The following SEMA5A variants were observed in gnomAD, a reference collection of about 807,000 sequenced individuals.
SEMA5A encodes the protein semaphorin 5A.
SEMA5A carries 55 observed loss-of-function variants against 135.5 expected under a neutral mutation model. That is an observed-to-expected ratio of 0.41 (90% CI 0.33 to 0.51). The LOEUF (loss-of-function observed/expected upper bound fraction) is 0.51, where lower values mean the gene tolerates loss of function less well. SEMA5A is among the 20% of genes least tolerant of loss of function. The probability of loss-of-function intolerance (pLI) is 0.37; values close to 1 mark genes in which losing one functional copy is unlikely to be tolerated. For synonymous variants in SEMA5A, 580 were observed against 546.5 expected (o/e 1.06, Z -0.85); for missense variants, 1,290 against 1,419.9 (o/e 0.91, Z 1.47).
At chr5:9,138,591 TTTTA>T (rs1447476673) in intron 12 of SEMA5A, among the ~76,000 whole-genome samples, 7 of 152,338 alleles carry the variant, frequency 4.6e-5, no homozygotes, top group Middle Eastern at 3.4e-3. Context: ...TTTCATTTTA[TTTTA>T]TTTATTTTCA....
In SEMA5A at chr5:9,545,688, G is replaced by A. The variant is rs911492607; in HGVS notation, c.-279C>T. 2.6e-5 allele frequency: 4 copies of A among 152,274 alleles called. No homozygotes were observed. Among genetic ancestry groups the A allele is most frequent in the African/African-American group, 9.7e-5 (4 of 41,428 alleles). The allele number at this position is 152,274 out of a possible 1,614,324, so 9.4% of individuals were successfully genotyped here. ...TAGGGAAGTGGAGGCAGCAGCTGCAGCCGCCCCCTGCCACTTCCCCAGAGC... is the reference window on the plus strand; with the variant it reads ...TAGGGAAGTGGAGGCAGCAGCTGCAACCGCCCCCTGCCACTTCCCCAGAGC... On this transcript the variant is annotated 5_prime_UTR_variant, in exon 1 of 23. Transcript: ENST00000382496. This position sits in a 1 kb window ranked among gnomAD's most constrained non-coding sequence, Gnocchi z 4.5.
At chr5:9,492,031 T>C (rs1266601995) in intron 1 of SEMA5A, among the ~76,000 whole-genome samples, 1 of 152,242 alleles carries the variant, frequency 6.6e-6, no homozygotes, top group African/African-American at 2.4e-5. Context: ...TCAGTTCATT[T>C]GGAAAGTTCA....
chr5:9,469,285 G>T (rs1190787119), intron 1 of SEMA5A, among the ~76,000 whole-genome samples: 1 of 152,150 alleles, frequency 6.6e-6, no homozygotes, highest in Admixed American at 6.5e-5. Flanking sequence ...GGGATTACAG[G>T]CATGAGCCAC....
At chr5:9,462,923 C>T (rs1579581223) in intron 1 of SEMA5A, among the ~76,000 whole-genome samples, 2 of 151,106 alleles carry the variant, frequency 1.3e-5, no homozygotes, top group Non-Finnish European at 2.9e-5. Flanking sequence ...AATGAACCCC[C>T]GTGACATAAG....
chr5:9,135,412 A>T (rs1235873440), intron 13 of SEMA5A, among the ~76,000 whole-genome samples: 2 of 151,546 alleles, frequency 1.3e-5, no homozygotes, highest in Admixed American at 6.6e-5. Context: ...CGATCTCCTG[A>T]CCTTGTGATC....
intron 1 of SEMA5A, among the ~76,000 whole-genome samples, chr5:9,531,214 G>A (rs1490441140): frequency 1.3e-5 from 2 of 152,174 alleles, no homozygotes. Flanking sequence ...TCCTAGAGAG[G>A]TGACCAGCTC....
At chr5:9,232,212 T>G (rs940516120) in intron 6 of SEMA5A, among the ~76,000 whole-genome samples, 1 of 152,202 alleles carries the variant, frequency 6.6e-6, no homozygotes, top group African/African-American at 2.4e-5. Context: ...GTATGTTCTG[T>G]GGATCCCTCA....
At chr5:9,544,950 A>G (rs1738299899) in intron 1 of SEMA5A, among the ~76,000 whole-genome samples, 1 of 152,166 alleles carries the variant, frequency 6.6e-6, no homozygotes, top group Non-Finnish European at 1.5e-5. Context: ...AAATCCGTGG[A>G]GCAGCGGAGG....
rs756795238 is a variant in SEMA5A, at chr5:9,237,846, G to T, written c.315C>A (p.Tyr105Ter). The change falls in exon 6 of 23, where the codon TAC becomes TAA. Residue 105 changes from tyrosine to a stop codon, truncating the protein, a stop_gained. Transcript: ENST00000382496. LOFTEE classifies it high-confidence loss of function. Reference sequence around the variant, plus strand: ...TTCTTACCTTTGATTTGCCTTTGCTGTAACAGGCCTTTTTGGTAGCTTCAT... The same window carrying T: ...TTCTTACCTTTGATTTGCCTTTGCTTTAACAGGCCTTTTTGGTAGCTTCAT... ...ECDEATKKAC[Y>*]SKGKSKEECQ... 1 of 1,613,574 alleles carries T rather than the reference G, an allele frequency of 6.2e-7. No homozygotes were observed. Among genetic ancestry groups the T allele is most frequent in the Non-Finnish European group, 8.5e-7 (1 of 1,179,668 alleles).
rs370977988 is a variant in SEMA5A at position 9,178,479 on chromosome 5, A to C, written c.1273+11788T>G. 5.3e-5 allele frequency among the ~76,000 whole-genome samples: 8 copies of C among 151,918 alleles called. No individual in the cohort carries two copies. The East Asian group carries it at 1.6e-3, about 29-fold the overall frequency. ...CCTGAGTATCTCGGATCACAGGCAC[A>C]TGCCCCCACACCCGGCTACTTTTTT... is the stretch of plus-strand genomic sequence containing the variant. On this transcript the variant is annotated intron_variant, in intron 11 of 22. Transcript: ENST00000382496.
Position 9,043,005 on chromosome 5 carries a change from T to C in SEMA5A, c.3117A>G (p.Lys1039=). The part of the protein sequence containing the change: ...DSVEAIKAFN[K]NNLILEERNK... ...TTCTTTCCTCTAGGATCAAGTTGTT[T>C]TTGTTAAATGCCTGGAAAATATATT... The change falls in exon 23 of 23, where the codon AAA becomes AAG. Residue 1039 remains lysine, a synonymous_variant. Coordinates refer to ENST00000382496, the MANE Select transcript of SEMA5A (RefSeq NM_003966.3). 6.3e-7 allele frequency: 1 copy of C among 1,599,084 alleles called. No individual in the cohort carries two copies. The highest frequency in any genetic ancestry group is 8.5e-7 in the Non-Finnish European group (1 of 1,175,780).
chr5:9,108,916 T>A (rs942580861), intron 15 of SEMA5A, among the ~76,000 whole-genome samples: 1 of 152,170 alleles, frequency 6.6e-6, no homozygotes, highest in Non-Finnish European at 1.5e-5. Context: ...AAATATTAGT[T>A]CTATTTTTCA....
At chr5:9,320,740 C>T (rs949783180) in intron 4 of SEMA5A, among the ~76,000 whole-genome samples, 1 of 152,028 alleles carries the variant, frequency 6.6e-6, no homozygotes, top group African/African-American at 2.4e-5. Flanking sequence ...AAGTCCTTTT[C>T]AGAGGAACAA....
rs76240709 is a variant in SEMA5A at position 9,376,154 on chromosome 5, G to A, written c.124+3669C>T. 8.3e-3 allele frequency among the ~76,000 whole-genome samples: 1,261 copies of A among 152,108 alleles called. 23 individuals carry two copies. The highest frequency in any genetic ancestry group is 0.029 in the African/African-American group (1,203 of 41,490). ...AGCCTCAGAATGGGCTGTCCCTGCC[G>A]GCATTTTGTCATCCTCCAGATAAAG... On this transcript the variant is annotated intron_variant, in intron 3 of 22. Transcript: ENST00000382496.
At chr5:9,438,823 C>T (rs938838795) in intron 1 of SEMA5A, among the ~76,000 whole-genome samples, 1 of 152,216 alleles carries the variant, frequency 6.6e-6, no homozygotes, top group Non-Finnish European at 1.5e-5. Flanking sequence ...GATTCCCACA[C>T]GGTCAGCTTC....
At chr5:9,507,625 C>A (rs1166926184) in intron 1 of SEMA5A, among the ~76,000 whole-genome samples, 5 of 152,260 alleles carry the variant, frequency 3.3e-5, no homozygotes, top group Admixed American at 1.3e-4. Context: ...GAAACAGGCA[C>A]CTGCAAGTGC....
intron 14 of SEMA5A, among the ~76,000 whole-genome samples, chr5:9,121,401 T>G (rs1251026255): frequency 6.6e-6 from 1 of 152,236 alleles, no homozygotes; most frequent in African/African-American, 2.4e-5. Flanking sequence ...TCTAGATTTT[T>G]AATCTTAAAA....
intron 1 of SEMA5A, among the ~76,000 whole-genome samples, chr5:9,496,231 G>A (rs910057620): frequency 6.6e-6 from 1 of 152,114 alleles, no homozygotes; most frequent in African/African-American, 2.4e-5. Flanking sequence ...TTTTAGTAGA[G>A]ATGGGGTTTC....
intron 16 of SEMA5A, among the ~76,000 whole-genome samples, chr5:9,106,332 C>T (rs1739914962): frequency 1.3e-5 from 2 of 152,168 alleles, no homozygotes; most frequent in Admixed American, 1.3e-4. Flanking sequence ...GAAAGACCTT[C>T]AATTTTTACA....
Sources: gnomAD v4.1 joint callset for allele counts (sites outside exome capture counted in the v4.1 genomes callset) on GRCh38, gnomAD v4.1.1 for gene constraint, Gnocchi (gnomAD v3.1) non-coding constraint, MANE v1.5 for transcripts, NCBI Gene and HGNC (gene_info 2026-07-23, HGNC 2026-07-21) for gene names.